The following LUC7L2 variants were observed in gnomAD, a reference collection of about 807,000 sequenced individuals.
LUC7L2 encodes the protein LUC7 like 2, pre-mRNA splicing factor.
LUC7L2 carries 25 observed loss-of-function variants against 52.8 expected under a neutral mutation model. The observed-to-expected ratio is 0.47, with a 90% CI of 0.34 to 0.66. The LOEUF is 0.66. Ranked by LOEUF, LUC7L2 falls within the 30% of genes least tolerant of loss-of-function variation. The pLI is 0.01. For missense variants in LUC7L2, 328 were observed against 497.8 expected (o/e 0.66, Z 3.25); for synonymous variants, 144 against 160.9 (o/e 0.89, Z 0.80).
chr7:139,355,366 A>T (rs1413403369), upstream of LUC7L2, among the ~76,000 whole-genome samples: 1 of 151,848 alleles, frequency 6.6e-6, no homozygotes, highest in African/African-American at 2.4e-5. Flanking sequence ...TTTTTTTACA[A>T]ATACATGTTT....
chr7:139,341,864 A>G (rs908426083), intron 1 of LUC7L2, among the ~76,000 whole-genome samples: 1 of 152,208 alleles, frequency 6.6e-6, no homozygotes, highest in Non-Finnish European at 1.5e-5. Flanking sequence ...GGATAAAACA[A>G]TGAAGATGGA....
chr7:139,412,583 AG>A lies in LUC7L2; in HGVS notation c.809+5del. ...TCACACAGCAAGAATCCAAAAAGGT[AG>A]GTGTATTACATAAGACAGGTATAAG... On this transcript the variant is annotated splice_donor_region_variant and intron_variant, in intron 8 of 9. Coordinates refer to ENST00000354926, the MANE Select transcript of LUC7L2 (RefSeq NM_016019.5). 1 of 1,605,860 alleles carries A rather than the reference AG, an allele frequency of 6.2e-7. No individual in the cohort carries two copies. The highest frequency in any genetic ancestry group is 8.5e-7 in the Non-Finnish European group (1 of 1,177,406).
At chr7:139,393,425 G>A (rs1026311257) in intron 2 of LUC7L2, among the ~76,000 whole-genome samples, 7 of 151,982 alleles carry the variant, frequency 4.6e-5, no homozygotes, top group Admixed American at 3.3e-4. Flanking sequence ...GTGAGGCCCT[G>A]TCTCTAAAAA....
intron 1 of LUC7L2, among the ~76,000 whole-genome samples, chr7:139,349,511 C>A (rs1251932578): frequency 6.6e-6 from 1 of 152,084 alleles, no homozygotes; most frequent in Non-Finnish European, 1.5e-5. Flanking sequence ...CCTGAGAATC[C>A]TGAGGTTTTG....
At chr7:139,347,793 C>G (rs1799318379) in intron 1 of LUC7L2, among the ~76,000 whole-genome samples, 1 of 152,050 alleles carries the variant, frequency 6.6e-6, no homozygotes, top group Non-Finnish European at 1.5e-5. Flanking sequence ...CTCTGTCTCC[C>G]AGGTTCAAGT....
chr7:139,350,314 G>A lies in LUC7L2; in HGVS notation c.-26+9797G>A, dbSNP rs183608328. On this transcript the variant is annotated intron_variant, in intron 1 of 10. Transcript: ENST00000541170. The stretch of plus-strand genomic sequence containing the variant: ...TTTTTTGTATTTTTAGTAGAGACGG[G>A]GTTTCACCGTGTTAGCCAGGATGGT... Among the ~76,000 whole-genome samples the A allele has an allele frequency of 8.3e-3, 1,265 of 152,060 alleles. 9 individuals carry two copies. Among genetic ancestry groups the A allele is most frequent in the African/African-American group, 0.029 (1,213 of 41,464 alleles).
chr7:139,410,821 T>G (rs1040253831), intron 7 of LUC7L2, among the ~76,000 whole-genome samples: 1 of 152,206 alleles, frequency 6.6e-6, no homozygotes, highest in Admixed American at 6.5e-5. Context: ...TCAAGAAGTT[T>G]AAACAGACTT....
intron 1 of LUC7L2, chr7:139,345,687 A>G: frequency 6.2e-7 from 1 of 1,614,140 alleles, no homozygotes; most frequent in Middle Eastern, 1.7e-4. Context: ...GCCTGGAGGG[A>G]AGGGCTGGGA....
At chr7:139,390,514 C>T (rs1479914325) in intron 2 of LUC7L2, among the ~76,000 whole-genome samples, 2 of 151,818 alleles carry the variant, frequency 1.3e-5, no homozygotes, top group Non-Finnish European at 2.9e-5. Flanking sequence ...CAGACATGAG[C>T]CACTGCGTCT....
At chr7:139,387,099 C>G (rs1794235362) in intron 2 of LUC7L2, among the ~76,000 whole-genome samples, 1 of 151,808 alleles carries the variant, frequency 6.6e-6, no homozygotes, top group African/African-American at 2.4e-5. Flanking sequence ...CTCAGCCTCC[C>G]AAAGTGCTGG....
At chr7:139,373,558 C>T (rs900477025) in intron 1 of LUC7L2, among the ~76,000 whole-genome samples, 1 of 151,470 alleles carries the variant, frequency 6.6e-6, no homozygotes, top group African/African-American at 2.4e-5. Flanking sequence ...AAAAGCTCAC[C>T]AGGGAAAATA....
intron 2 of LUC7L2, among the ~76,000 whole-genome samples, chr7:139,394,166 A>T (rs552438771): frequency 6.6e-6 from 1 of 152,360 alleles, no homozygotes; most frequent in African/African-American, 2.4e-5. Flanking sequence ...CCAGAAGCTC[A>T]GATCAGTTTT....
chr7:139,364,970 G>A (rs571229113), intron 1 of LUC7L2, among the ~76,000 whole-genome samples: 3 of 152,102 alleles, frequency 2.0e-5, no homozygotes, highest in Admixed American at 1.3e-4. Flanking sequence ...TAATGTATAC[G>A]CAGACATTTT....
At chr7:139,409,262 C>T (rs1042540058) in intron 6 of LUC7L2, among the ~76,000 whole-genome samples, 4 of 148,612 alleles carry the variant, frequency 2.7e-5, no homozygotes, top group African/African-American at 1.0e-4. Context: ...GGCAACATAG[C>T]GAGATTCTGT....
chr7:139,383,720 TG>T (rs1794061623), intron 2 of LUC7L2, among the ~76,000 whole-genome samples: 4 of 121,354 alleles, frequency 3.3e-5, no homozygotes, highest in Non-Finnish European at 6.2e-5. Context: ...CCGGCCTTGA[TG>T]TCTTTTTTTT....
chr7:139,391,627 C>T (rs1794455973), intron 2 of LUC7L2, among the ~76,000 whole-genome samples: 1 of 151,974 alleles, frequency 6.6e-6, no homozygotes, highest in South Asian at 2.1e-4. Context: ...CTCAGTCTGT[C>T]ACCCAGGCTA....
chr7:139,359,609 G>C (rs1799746273), upstream of LUC7L2: 1 of 394,646 alleles, frequency 2.5e-6, no homozygotes, highest in Non-Finnish European at 4.5e-6. Flanking sequence ...GCTAATTTGG[G>C]TCTGAATCGC....
intron 2 of LUC7L2, among the ~76,000 whole-genome samples, chr7:139,378,558 G>T (rs1030440623): frequency 6.7e-6 from 1 of 148,320 alleles, no homozygotes; most frequent in Non-Finnish European, 1.5e-5. Flanking sequence ...CTGGGCAACA[G>T]AGTGAGACCC....
chr7:139,350,269 C>A (rs963685994), intron 1 of LUC7L2, among the ~76,000 whole-genome samples: 2 of 151,936 alleles, frequency 1.3e-5, no homozygotes, highest in East Asian at 3.9e-4. Flanking sequence ...CTACAGGCGC[C>A]CGCCACCACG....
Sources: allele counts gnomAD v4.1 joint callset (sites outside exome capture counted in the v4.1 genomes callset), GRCh38; gene constraint gnomAD v4.1.1; transcripts MANE v1.5; gene names NCBI Gene and HGNC (gene_info 2026-07-23, HGNC 2026-07-21).